Variants in MAP3K5 observed in about 807,000 individuals in gnomAD.
MAP3K5 encodes the protein ASK-1.
MAP3K5 carries 56 observed loss-of-function variants against 158.7 expected under a neutral mutation model. The ratio of observed to expected loss-of-function variants is 0.35; its 90% CI spans 0.28 to 0.44. The LOEUF (loss-of-function observed/expected upper bound fraction) is 0.44. Ranked by LOEUF, MAP3K5 falls within the 20% of genes least tolerant of loss-of-function variation. The pLI, the probability that MAP3K5 is intolerant of heterozygous loss-of-function variation, is 1.00. For missense variants in MAP3K5, 1,294 were observed against 1,674.8 expected (o/e 0.77, Z 3.97); for synonymous variants, 579 against 601.7 (o/e 0.96, Z 0.55).
At chr6:136,762,927 C>T (rs1030774617) in intron 1 of MAP3K5, among the ~76,000 whole-genome samples, 4 of 152,208 alleles carry the variant, frequency 2.6e-5, no homozygotes, top group African/African-American at 9.7e-5. Flanking sequence ...TGCCTATTTC[C>T]AAGGCTGCAA....
At chr6:136,592,914 T>C (rs1038606060) in intron 21 of MAP3K5, 13 of 436,572 alleles carry the variant, frequency 3.0e-5, no homozygotes, top group African/African-American at 2.1e-4. Flanking sequence ...CCCTCATTTT[T>C]ACTGACTACT....
At chr6:136,585,186 C>T (rs1335932313) in intron 23 of MAP3K5, among the ~76,000 whole-genome samples, 1 of 149,964 alleles carries the variant, frequency 6.7e-6, no homozygotes, top group African/African-American at 2.5e-5. Context: ...AATCATAGCT[C>T]ACTGCAGCCC....
intron 2 of MAP3K5, among the ~76,000 whole-genome samples, chr6:136,717,770 A>C (rs1781587822): frequency 6.6e-6 from 1 of 152,188 alleles, no homozygotes. Flanking sequence ...CAGGACTCAG[A>C]GGAAATTGCT....
intron 1 of MAP3K5, among the ~76,000 whole-genome samples, chr6:136,736,225 A>C (rs1319519379): frequency 1.3e-5 from 2 of 152,148 alleles, no homozygotes; most frequent in Non-Finnish European, 2.9e-5. Context: ...AAGATTCTTA[A>C]TGTGTCAACG....
intron 25 of MAP3K5, among the ~76,000 whole-genome samples, chr6:136,575,165 T>C: frequency 6.8e-6 from 1 of 146,644 alleles, no homozygotes; most frequent in Non-Finnish European, 1.5e-5. Flanking sequence ...AATACTATTT[T>C]TTTTTTTTTT....
chr6:136,664,909 G>C (rs1356695950), intron 8 of MAP3K5, among the ~76,000 whole-genome samples: 1 of 152,140 alleles, frequency 6.6e-6, no homozygotes, highest in Non-Finnish European at 1.5e-5. Context: ...CCAGACCTGG[G>C]TGACAAGAGT....
intron 1 of MAP3K5, among the ~76,000 whole-genome samples, chr6:136,765,972 G>A (rs538423927): frequency 6.6e-6 from 1 of 152,246 alleles, no homozygotes; most frequent in Admixed American, 6.5e-5. Flanking sequence ...AAAATATACA[G>A]TTTCCATTCC....
rs1267780198 is a variant in MAP3K5, at chr6:136,792,407, A to C, written c.-250T>G. ...TCGCCCTCTGCAGAGTTTAGAGTAC[A>C]AGGGGTGGGGAAGCCGGGTGAGCGG... On this transcript the variant is annotated 5_prime_UTR_variant, in exon 1 of 30. Transcript: ENST00000359015. The surrounding 1 kb of genome is among the most constrained non-coding windows in gnomAD (Gnocchi z 5.7). 3.0e-6 allele frequency: 3 copies of C among 988,330 alleles called. No homozygotes were observed. The highest frequency in any genetic ancestry group is 3.6e-6 in the Non-Finnish European group (3 of 832,442). 61.2% of individuals were successfully genotyped at this position (988,330 alleles called of 1,614,324 possible). A position where few individuals can be genotyped will look rare whatever the true frequency, so the allele number is the denominator to read the frequency against.
chr6:136,560,191 T>C (rs1275315194), intron 28 of MAP3K5, among the ~76,000 whole-genome samples: 1 of 152,132 alleles, frequency 6.6e-6, no homozygotes, highest in Non-Finnish European at 1.5e-5. Flanking sequence ...ATTACAAAAG[T>C]CTATAGGGGC....
intron 1 of MAP3K5, among the ~76,000 whole-genome samples, chr6:136,736,907 G>A (rs1339721809): frequency 6.6e-6 from 1 of 151,748 alleles, no homozygotes; most frequent in Non-Finnish European, 1.5e-5. Context: ...CAAACCCCTG[G>A]ACTCAAGTGA....
At chr6:136,749,058 G>A (rs1783079374) in intron 1 of MAP3K5, among the ~76,000 whole-genome samples, 1 of 152,182 alleles carries the variant, frequency 6.6e-6, no homozygotes, top group African/African-American at 2.4e-5. Flanking sequence ...ATTAGGACTG[G>A]CCGGGCACAG....
At chr6:136,754,837 G>T (rs142283127) in intron 1 of MAP3K5, among the ~76,000 whole-genome samples, 2 of 152,238 alleles carry the variant, frequency 1.3e-5, no homozygotes, top group Non-Finnish European at 2.9e-5. Flanking sequence ...AGATGGAACA[G>T]AGGAAACGGG....
chr6:136,733,334 C>T lies in MAP3K5; in HGVS notation c.449-12745G>A, dbSNP rs547505886. On this transcript the variant is annotated intron_variant, in intron 1 of 29. Coordinates refer to ENST00000359015, the MANE Select transcript of MAP3K5 (RefSeq NM_005923.4). ...GCATTCGATGATGGTTTAGTAAGTG[C>T]TATTGAGGGAGCCCTGCAAATACTG... Among the ~76,000 whole-genome samples, 10 of 152,280 alleles carry T rather than the reference C, an allele frequency of 6.6e-5. No homozygotes were observed. In the South Asian group the frequency reaches 8.3e-4, roughly 13 times the overall value.
intron 7 of MAP3K5, among the ~76,000 whole-genome samples, chr6:136,686,536 C>T (rs1780156966): frequency 6.6e-6 from 1 of 152,134 alleles, no homozygotes; most frequent in African/African-American, 2.4e-5. Flanking sequence ...ATCGTCTCAG[C>T]CCAAAATCTC....
chr6:136,705,105 C>A lies in MAP3K5; in HGVS notation c.612+5G>T. 2.5e-6 allele frequency: 3 copies of A among 1,195,502 alleles called. No individual in the cohort carries two copies. Among genetic ancestry groups the A allele is most frequent in the East Asian group, 2.6e-5 (1 of 38,152 alleles). The allele number at this position is 1,195,502 out of a possible 1,614,324, so 74.1% of individuals were successfully genotyped here. Reference sequence around the variant, plus strand: ...AAACTCTGGAAGGTTAAATAAAGTACTCACAGTATTCTTCTGGCAAATTAT... The same window carrying A: ...AAACTCTGGAAGGTTAAATAAAGTAATCACAGTATTCTTCTGGCAAATTAT... On this transcript the variant is annotated splice_donor_5th_base_variant and intron_variant, in intron 3 of 29. Transcript: ENST00000359015.
rs767850286 is a variant in MAP3K5, at chr6:136,669,384, G to A, written c.1265C>T (p.Ala422Val). The A allele has an allele frequency of 4.8e-5, 77 of 1,601,938 alleles. No homozygotes were observed. Among genetic ancestry groups the A allele is most frequent in the Non-Finnish European group, 6.6e-5 (77 of 1,169,624 alleles). ...CTGTAGTGTTGGCTCAGATTCAAAT[G>A]CCTTTTTGAACCTATAAAAAACCAC... ...RDHGASWFKK[A>V]FESEPTLQSG... The change falls in exon 8 of 30, where the codon GCA (alanine) becomes GTA (valine). Residue 422 changes from alanine to valine, a missense_variant. Transcript: ENST00000359015.
At chr6:136,786,493 A>G (rs946263210) in intron 1 of MAP3K5, among the ~76,000 whole-genome samples, 4 of 152,070 alleles carry the variant, frequency 2.6e-5, no homozygotes, top group Non-Finnish European at 5.9e-5. Flanking sequence ...TTTTCTGCCT[A>G]CAATGCAGAG....
chr6:136,720,525 C>T lies in MAP3K5; in HGVS notation c.513G>A (p.Val171=). ...RQPSLFYHLG[V]RESFSMANNI... is the part of the protein sequence containing the mutation. ...TGTTGGCCATGCTGAAACTTTCTCT[C>T]ACCCCAAGGTGGTAAAACAAGGACG... Residue 171 remains valine (V), a synonymous_variant, in exon 2 of 30, where the codon GTG becomes GTA. Transcript: ENST00000359015. The T allele has an allele frequency of 6.2e-7, 1 of 1,613,662 alleles. No homozygotes were observed. The highest frequency in any genetic ancestry group is 2.2e-5 in the East Asian group (1 of 44,836).
At position 136,583,575 on chromosome 6, in the gene MAP3K5, G is replaced by A; in HGVS notation, c.3391C>T (p.Leu1131Phe). ...CTTACAGCATCTTGAAAACCAAAGA[G>A]TACCACCTGGACTTGGCTAATGCCA... ...SHGISQVQVV[L>F]FGFQDAVNKV... Residue 1131 changes from leucine (L) to phenylalanine (F), a missense_variant, in exon 24 of 30, where the codon CTC becomes TTC. Physicochemically the swap from Leu to Phe is conservative, Grantham distance 22. Transcript: ENST00000359015. The A allele has an allele frequency of 6.2e-7, 1 of 1,614,012 alleles. No homozygotes were observed. The highest frequency in any genetic ancestry group is 8.5e-7 in the Non-Finnish European group (1 of 1,179,958).
Sources: allele counts gnomAD v4.1 joint callset (sites outside exome capture counted in the v4.1 genomes callset), GRCh38; gene constraint gnomAD v4.1.1; non-coding constraint Gnocchi (gnomAD v3.1); transcripts MANE v1.5; gene names NCBI Gene and HGNC (gene_info 2026-07-23, HGNC 2026-07-21).